Variants in LYPD5 observed in about 807,000 individuals in gnomAD.
LYPD5 encodes ly6/PLAUR domain-containing protein 5.
LYPD5 carries 21 observed loss-of-function variants against 19.1 expected under a neutral mutation model. The ratio of observed to expected loss-of-function variants is 1.10; its 90% CI spans 0.78 to 1.58. The LOEUF (loss-of-function observed/expected upper bound fraction) is 1.58. Among genes scored for constraint, LYPD5 ranks in the 40% most tolerant of loss-of-function variants. LYPD5 has a pLI of 0.00. For synonymous variants in LYPD5, 128 were observed against 142.7 expected (o/e 0.90, Z 0.74); for missense variants, 287 against 329.8 (o/e 0.87, Z 1.00).
chr19:43,810,484 A>T (rs1196185264), intron 1 of LYPD5, among the ~76,000 whole-genome samples: 1 of 144,250 alleles, frequency 6.9e-6, no homozygotes, highest in Non-Finnish European at 1.5e-5. Context: ...CCACAGTTGC[A>T]TGCCACTGTG....
At chr19:43,814,178 T>C (rs866965713) in intron 1 of LYPD5, among the ~76,000 whole-genome samples, 2 of 152,160 alleles carry the variant, frequency 1.3e-5, no homozygotes, top group African/African-American at 4.8e-5. Context: ...TATCTGCACA[T>C]TGGGCCACAT....
At chr19:43,820,510 C>G (rs1264729592) in intron 1 of LYPD5, 1 of 151,830 alleles carries the variant, frequency 6.6e-6, no homozygotes, top group African/African-American at 2.4e-5. Context: ...CGGCTGCTCG[C>G]ATTCGCCTCA....
intron 1 of LYPD5, among the ~76,000 whole-genome samples, chr19:43,819,008 G>A (rs1025671612): frequency 6.6e-6 from 1 of 151,958 alleles, no homozygotes; most frequent in African/African-American, 2.4e-5. Context: ...TTCTATTCTT[G>A]TGTAGTCTTT....
intron 1 of LYPD5, among the ~76,000 whole-genome samples, chr19:43,816,498 G>C (rs1461487889): frequency 6.6e-6 from 1 of 152,212 alleles, no homozygotes; most frequent in Non-Finnish European, 1.5e-5. Context: ...ATGCACACAT[G>C]AATGGCTTTT....
upstream of LYPD5, among the ~76,000 whole-genome samples, chr19:43,804,817 G>T (rs1275139093): frequency 6.6e-6 from 1 of 152,124 alleles, no homozygotes; most frequent in East Asian, 1.9e-4. Context: ...AAGGAGGATG[G>T]TTTTTCTGAA....
At chr19:43,801,250 G>T (rs1486444654) in intron 1 of LYPD5, among the ~76,000 whole-genome samples, 6 of 151,988 alleles carry the variant, frequency 3.9e-5, no homozygotes, top group African/African-American at 1.4e-4. Flanking sequence ...AAGAAAAAAG[G>T]CCAGTCTCAT....
At chr19:43,801,492 C>A (rs183529885) in intron 1 of LYPD5, among the ~76,000 whole-genome samples, 13 of 152,212 alleles carry the variant, frequency 8.5e-5, no homozygotes, top group African/African-American at 3.1e-4. Context: ...CAGAGCAAGA[C>A]CCTGTCTCAA....
At chr19:43,806,787 G>A (rs536636455), upstream of LYPD5, among the ~76,000 whole-genome samples, 1 of 151,990 alleles carries the variant, frequency 6.6e-6, no homozygotes, top group Non-Finnish European at 1.5e-5. Flanking sequence ...GAAATAAAAC[G>A]CACAATAAAT....
chr19:43,815,347 A>G (rs1970362584), intron 1 of LYPD5, among the ~76,000 whole-genome samples: 1 of 152,076 alleles, frequency 6.6e-6, no homozygotes, highest in Non-Finnish European at 1.5e-5. Flanking sequence ...TCTAAAAAAA[A>G]AAAGAAAGAA....
intron 1 of LYPD5, among the ~76,000 whole-genome samples, chr19:43,818,406 A>G (rs970746893): frequency 6.6e-6 from 1 of 152,208 alleles, no homozygotes; most frequent in African/African-American, 2.4e-5. Flanking sequence ...ACTGCTTGCT[A>G]TCAAGTGTAA....
intron 1 of LYPD5, among the ~76,000 whole-genome samples, chr19:43,815,537 T>C (rs569497729): frequency 6.6e-6 from 1 of 151,566 alleles, no homozygotes; most frequent in Non-Finnish European, 1.5e-5. Context: ...ATCATGCCAC[T>C]GCACTCCAGC....
rs539201049 is a variant in LYPD5, at chr19:43,810,530, C to T, written c.-66+10010G>A. 8.4e-3 allele frequency among the ~76,000 whole-genome samples: 973 copies of T among 115,182 alleles called. 20 individuals are homozygous for T. Among genetic ancestry groups the T allele is most frequent in the African/African-American group, 0.03 (925 of 31,020 alleles). The allele number at this position is 115,182 out of a possible 152,430, so 75.6% of individuals were successfully genotyped here. ...TTTGCTAGTTTCTACCCTTCCCTTC[C>T]GTTCCCTCCCCTCCCCTCCCCTCCC... On this transcript the variant is annotated intron_variant, in intron 1 of 4. Transcript: ENST00000414615.
Sources: allele counts gnomAD v4.1 joint callset (sites outside exome capture counted in the v4.1 genomes callset), GRCh38; gene constraint gnomAD v4.1.1; transcripts MANE v1.5; gene names NCBI Gene and HGNC (gene_info 2026-07-23, HGNC 2026-07-21).